The following TTLL5 variants were observed in gnomAD, a reference collection of about 807,000 sequenced individuals.
TTLL5 encodes the protein tubulin tyrosine ligase like 5, also known as tubulin polyglutamylase TTLL5.
TTLL5 carries 132 observed loss-of-function variants against 168.4 expected under a neutral mutation model. The observed-to-expected ratio is 0.78, with a 90% CI of 0.68 to 0.91. TTLL5 has a LOEUF of 0.91. Ranked by LOEUF, TTLL5 falls within the 40% of genes least tolerant of loss-of-function variation. TTLL5 has a pLI of 0.00. For missense variants in TTLL5, 1,545 were observed against 1,581.5 expected, an observed-to-expected ratio of 0.98 and a Z score of 0.39; for synonymous variants, 546 against 558.6, an observed-to-expected ratio of 0.98 and a Z score of 0.32.
At chr14:75,887,161 GA>G in intron 30 of TTLL5, 1 of 1,020,770 alleles carries the variant, frequency 9.8e-7, no homozygotes, top group East Asian at 9.5e-5. Flanking sequence ...TAGCAGGGAG[GA>G]AAGCCATCAG....
chr14:75,904,329 CA>C, intron 31 of TTLL5: 1 of 901,848 alleles, frequency 1.1e-6, no homozygotes, highest in Non-Finnish European at 1.4e-6. Flanking sequence ...GAATCATGGC[CA>C]AGTGTGAAGG....
In TTLL5 at chr14:75,902,157, A is replaced by G. The variant is rs146101884; in HGVS notation, c.3756A>G (p.Glu1252=). 1.9e-5 allele frequency: 31 copies of G among 1,614,156 alleles called. No homozygotes were observed. In the Admixed American group the frequency reaches 4.5e-4, roughly 23 times the overall value. Residue 1252 remains glutamate (E), a synonymous_variant, in exon 31 of 32, where the codon GAA becomes GAG. Coordinates refer to ENST00000298832, the MANE Select transcript of TTLL5 (RefSeq NM_015072.5). ...TGTGTTTCAGAGGGTCCTCCGCGGA[A>G]GGGCAGCTGAATGGACTCCAGAGCA... ...SQKASKGSSA[E]GQLNGLQSSL... is the part of the protein sequence containing the mutation.
intron 31 of TTLL5, among the ~76,000 whole-genome samples, chr14:75,946,041 G>A (rs539723857): frequency 1.5e-4 from 23 of 152,252 alleles, no homozygotes; most frequent in Middle Eastern, 3.4e-3. Context: ...CACATAACAC[G>A]CAAAAGAGTT....
chr14:75,894,103 G>A (rs1038131396), intron 30 of TTLL5, among the ~76,000 whole-genome samples: 6 of 152,306 alleles, frequency 3.9e-5, no homozygotes, highest in South Asian at 2.1e-4. Flanking sequence ...ATAAGGGTCC[G>A]TGTCGACTTT....
rs1180928879 is a variant in TTLL5, at chr14:75,775,619, G to T, written c.2272G>T (p.Val758Leu). 9 of 1,613,906 alleles carry T rather than the reference G, an allele frequency of 5.6e-6. No individual in the cohort carries two copies. In the East Asian group the frequency reaches 2.0e-4, roughly 36 times the overall value. Reference sequence around the variant, plus strand: ...CCACCAGCTGGGTGACTTTATCATTGTATACAACAAGGTAAGTCTTTTTCT... The same window carrying T: ...CCACCAGCTGGGTGACTTTATCATTTTATACAACAAGGTAAGTCTTTTTCT... Reference protein sequence around the residue: ...LAHQLGDFIIVYNKETEQMAE... With the variant: ...LAHQLGDFIILYNKETEQMAE... The change falls in exon 22 of 32, where the codon GTA (valine) becomes TTA (leucine). Residue 758 changes from valine to leucine, a missense_variant. Transcript: ENST00000298832.
At position 75,795,161 on chromosome 14, in the gene TTLL5, G is replaced by T. The variant is rs138425646; in HGVS notation, c.3171+2061G>T. Among the ~76,000 whole-genome samples the T allele has an allele frequency of 3.9e-5, 6 of 152,306 alleles. No homozygotes were observed. The East Asian group carries it at 1.2e-3, about 29-fold the overall frequency. ...TTCTCCTGCCACTGACTAGCTGTGT[G>T]ATCTTGAGCAGTTCACTCAACTTCT... On this transcript the variant is annotated intron_variant, in intron 27 of 31. Transcript: ENST00000298832.
intron 31 of TTLL5, 109 bp downstream of exon 31, chr14:75,902,333 C>A: frequency 9.0e-7 from 1 of 1,116,716 alleles, no homozygotes; most frequent in Non-Finnish European, 1.3e-6. Context: ...AAGAATGAAA[C>A]ATCTAGCCTC....
intron 2 of TTLL5, among the ~76,000 whole-genome samples, chr14:75,668,049 G>A (rs1048815312): frequency 5.1e-4 from 78 of 152,060 alleles, no homozygotes; most frequent in Non-Finnish European, 7.8e-4. Flanking sequence ...GTGAGCCACC[G>A]TGTCCGGCCC....
intron 30 of TTLL5, among the ~76,000 whole-genome samples, chr14:75,893,817 CAAAAAAAAAA>C (rs61332109): frequency 0.055 from 3,926 of 72,008 alleles, 75 homozygotes; most frequent in Middle Eastern, 0.16. Flanking sequence ...GACTCCATCT[CAAAAAAAAAA>C]AAAAAAAAAA....
intron 31 of TTLL5, among the ~76,000 whole-genome samples, chr14:75,925,919 G>A (rs1302310349): frequency 6.6e-6 from 1 of 151,928 alleles, no homozygotes; most frequent in Non-Finnish European, 1.5e-5. Context: ...GCGTGGCGGC[G>A]CGCACCTGTA....
chr14:75,683,770 G>A, intron 5 of TTLL5, 114 bp downstream of exon 5: 5 of 683,534 alleles, frequency 7.3e-6, no homozygotes, highest in South Asian at 1.9e-5. Context: ...TGAAGAAGAA[G>A]AAGGACTTTT....
At chr14:75,910,143 C>G (rs1320945612) in intron 31 of TTLL5, among the ~76,000 whole-genome samples, 1 of 152,106 alleles carries the variant, frequency 6.6e-6, no homozygotes, top group Non-Finnish European at 1.5e-5. Flanking sequence ...ATATTTTTTT[C>G]TTGCTGAACT....
chr14:75,776,651 T>A (rs769191787), intron 22 of TTLL5, 96 bp from the exon 23 acceptor site: 19 of 822,158 alleles, frequency 2.3e-5, no homozygotes, highest in Non-Finnish European at 3.1e-5. Context: ...TAAGGACAGA[T>A]TAACTCAAGG....
At chr14:75,843,106 C>T (rs900313615) in intron 28 of TTLL5, among the ~76,000 whole-genome samples, 1 of 152,158 alleles carries the variant, frequency 6.6e-6, no homozygotes, top group Non-Finnish European at 1.5e-5. Context: ...CCTTGCTGTC[C>T]TGAGAGGAAC....
chr14:75,755,926 A>G (rs1316608137), intron 18 of TTLL5, among the ~76,000 whole-genome samples: 1 of 151,796 alleles, frequency 6.6e-6, no homozygotes, highest in African/African-American at 2.4e-5. Flanking sequence ...TATCTTACAT[A>G]CTGTCTTATA....
chr14:75,819,981 G>A, intron 27 of TTLL5, 26 bp from the exon 28 acceptor site: 1 of 1,578,470 alleles, frequency 6.3e-7, no homozygotes, highest in African/African-American at 1.4e-5. Context: ...TGTAAAGTCA[G>A]GTTATTTCCC....
chr14:75,772,041 T>C (rs752135280), intron 21 of TTLL5, among the ~76,000 whole-genome samples, 187 bp downstream of exon 21: 1 of 152,188 alleles, frequency 6.6e-6, no homozygotes, highest in Non-Finnish European at 1.5e-5. Context: ...TTCTTATACT[T>C]CAATGTGAAG....
chr14:75,902,543 G>A (rs1313922698), intron 31 of TTLL5: 2 of 511,554 alleles, frequency 3.9e-6, no homozygotes, highest in Admixed American at 2.3e-5. Context: ...TCCGCATGTT[G>A]TATCTCTCAC....
At chr14:75,842,222 C>T (rs1050149513) in intron 28 of TTLL5, among the ~76,000 whole-genome samples, 3 of 152,196 alleles carry the variant, frequency 2.0e-5, no homozygotes, top group African/African-American at 7.2e-5. Context: ...ATCTGGAGTA[C>T]AGAAACATGC....
Sources: allele counts gnomAD v4.1 joint callset (sites outside exome capture counted in the v4.1 genomes callset), GRCh38; gene constraint gnomAD v4.1.1; transcripts MANE v1.5; gene names NCBI Gene and HGNC (gene_info 2026-07-23, HGNC 2026-07-21).